Variants in XIRP2 observed in about 807,000 individuals in gnomAD.
XIRP2 encodes the protein xin actin-binding repeat-containing protein 2.
XIRP2 carries 236 observed loss-of-function variants against 277.0 expected under a neutral mutation model. The observed-to-expected ratio is 0.85, with a 90% CI of 0.77 to 0.95. The LOEUF (loss-of-function observed/expected upper bound fraction) is 0.95, where lower values mean the gene tolerates loss of function less well. Ranked by LOEUF, XIRP2 falls within the 40% of genes least tolerant of loss-of-function variation. The pLI is 0.00. For synonymous variants in XIRP2, 1,490 were observed against 1,416.5 expected (o/e 1.05, Z -1.17); for missense variants, 4,640 against 4,157.5 (o/e 1.12, Z -3.19).
intron 2 of XIRP2, among the ~76,000 whole-genome samples, chr2:167,000,512 T>C (rs997742619): frequency 3.4e-5 from 5 of 147,096 alleles, no homozygotes; most frequent in East Asian, 4.8e-4. Flanking sequence ...GGGGTTTTTT[T>C]GTTTTTTTTT....
At chr2:167,193,414 TA>T (rs1391186140) in intron 3 of XIRP2, among the ~76,000 whole-genome samples, 1 of 152,240 alleles carries the variant, frequency 6.6e-6, no homozygotes, top group Non-Finnish European at 1.5e-5. Flanking sequence ...TGTATACATA[TA>T]TATTCTTTCC....
chr2:167,053,182 G>A (rs977057983), intron 2 of XIRP2, among the ~76,000 whole-genome samples: 2 of 152,132 alleles, frequency 1.3e-5, no homozygotes, highest in South Asian at 2.1e-4. Context: ...GTTTCCAAAT[G>A]TTTATTATGT....
intron 2 of XIRP2, among the ~76,000 whole-genome samples, chr2:167,023,908 C>A (rs1688063382): frequency 6.6e-6 from 1 of 152,076 alleles, no homozygotes; most frequent in Non-Finnish European, 1.5e-5. Flanking sequence ...TGGCTGTGTT[C>A]TTTTGGCTTA....
intron 2 of XIRP2, among the ~76,000 whole-genome samples, chr2:167,112,924 A>G (rs1328921827): frequency 6.6e-6 from 1 of 152,000 alleles, no homozygotes; most frequent in East Asian, 1.9e-4. Context: ...CAAAGTGATG[A>G]GGTTACAGGC....
At chr2:167,191,367 A>T (rs1693328255) in intron 3 of XIRP2, among the ~76,000 whole-genome samples, 1 of 152,158 alleles carries the variant, frequency 6.6e-6, no homozygotes, top group African/African-American at 2.4e-5. Flanking sequence ...AGAACTAGAA[A>T]CTAACTGTCT....
At position 167,251,105 on chromosome 2, in the gene XIRP2, TCA is replaced by T; in HGVS notation, c.9716_9717del (p.Thr3239AsnfsTer10). The T allele has an allele frequency of 6.2e-7, 1 of 1,613,578 alleles. No homozygotes were observed. Among genetic ancestry groups the T allele is most frequent in the Non-Finnish European group, 8.5e-7 (1 of 1,179,760 alleles). ...CGTGGTAGGGACTCTCCACCTACAATCACAATACCAGTAAATATAAATCATGC... is the reference window on the plus strand; with the variant it reads ...CGTGGTAGGGACTCTCCACCTACAATCAATACCAGTAAATATAAATCATGC... On this transcript the variant is annotated frameshift_variant, in exon 9 of 11. Coordinates refer to ENST00000409195, the MANE Select transcript of XIRP2 (RefSeq NM_152381.6). LOFTEE classifies it high-confidence loss of function.
At chr2:167,023,582 G>T (rs1034673939) in intron 2 of XIRP2, among the ~76,000 whole-genome samples, 1 of 152,126 alleles carries the variant, frequency 6.6e-6, no homozygotes, top group African/African-American at 2.4e-5. Flanking sequence ...GGTTTTTATG[G>T]TTTTAGGTCA....
intron 5 of XIRP2, among the ~76,000 whole-genome samples, chr2:167,236,131 G>A (rs16853291): frequency 0.17 from 26,214 of 151,534 alleles, 2,751 homozygotes; most frequent in African/African-American, 0.3. Flanking sequence ...ATGAACTTCC[G>A]TTTTTTCCAC....
intron 3 of XIRP2, among the ~76,000 whole-genome samples, chr2:167,190,082 A>G (rs1419356430): frequency 6.6e-6 from 1 of 152,234 alleles, no homozygotes; most frequent in East Asian, 1.9e-4. Flanking sequence ...GCATAGGGCA[A>G]GGTATGGCAT....
At chr2:167,154,009 G>T (rs1419171166) in intron 3 of XIRP2, among the ~76,000 whole-genome samples, 2 of 150,044 alleles carry the variant, frequency 1.3e-5, no homozygotes, top group Admixed American at 1.3e-4. Context: ...GGTTGAACTA[G>T]TTTACAGTCC....
chr2:167,067,439 A>G (rs552834365), intron 2 of XIRP2, among the ~76,000 whole-genome samples: 1 of 152,174 alleles, frequency 6.6e-6, no homozygotes, highest in East Asian at 1.9e-4. Context: ...CACCTACAAA[A>G]TTAAGATATA....
intron 2 of XIRP2, among the ~76,000 whole-genome samples, chr2:167,084,189 T>C (rs1196454638): frequency 1.3e-5 from 2 of 152,228 alleles, no homozygotes; most frequent in African/African-American, 2.4e-5. Flanking sequence ...TCTGCATCTA[T>C]TGAGATAATA....
intron 3 of XIRP2, among the ~76,000 whole-genome samples, chr2:167,151,939 G>A (rs150424043): frequency 3.0e-4 from 46 of 152,178 alleles, no homozygotes; most frequent in African/African-American, 1.1e-3. Context: ...TTTCTGAGCT[G>A]TTTATGTGTT....
chr2:167,210,064 G>T (rs887792244), intron 3 of XIRP2, among the ~76,000 whole-genome samples: 6 of 152,034 alleles, frequency 3.9e-5, no homozygotes, highest in African/African-American at 1.5e-4. Context: ...TCTGAAATGG[G>T]TGCCTGACAA....
intron 2 of XIRP2, 147 bp from the exon 3 acceptor site, chr2:167,135,762 A>T: frequency 1.4e-6 from 1 of 714,036 alleles, no homozygotes; most frequent in Non-Finnish European, 2.1e-6. Context: ...TGGCAAAGTT[A>T]TCAACATTTT....
chr2:167,011,377 T>C (rs1053274107), intron 2 of XIRP2, among the ~76,000 whole-genome samples: 5 of 151,326 alleles, frequency 3.3e-5, no homozygotes, highest in African/African-American at 9.7e-5. Context: ...ATTACATTTA[T>C]TGATTTGTGT....
chr2:167,019,470 T>C (rs1429417742), intron 2 of XIRP2, among the ~76,000 whole-genome samples: 5 of 152,050 alleles, frequency 3.3e-5, no homozygotes, highest in Admixed American at 1.3e-4. Context: ...TTGACCTCTT[T>C]GCTACAAATC....
intron 2 of XIRP2, among the ~76,000 whole-genome samples, chr2:166,997,279 C>G (rs1396650372): frequency 6.6e-6 from 1 of 152,064 alleles, no homozygotes; most frequent in African/African-American, 2.4e-5. Flanking sequence ...TGTCATGAAC[C>G]TTATAGGCAT....
At chr2:167,080,497 C>T (rs1250095928) in intron 2 of XIRP2, among the ~76,000 whole-genome samples, 1 of 151,978 alleles carries the variant, frequency 6.6e-6, no homozygotes, top group Non-Finnish European at 1.5e-5. Flanking sequence ...TAAGGTAGAA[C>T]TCAGAAGAAA....
Sources: allele counts gnomAD v4.1 joint callset (sites outside exome capture counted in the v4.1 genomes callset), GRCh38; gene constraint gnomAD v4.1.1; transcripts MANE v1.5; gene names NCBI Gene and HGNC (gene_info 2026-07-23, HGNC 2026-07-21).